The following GABRG3 variants were observed in gnomAD, a reference collection of about 807,000 sequenced individuals.
GABRG3 encodes gamma-aminobutyric acid receptor subunit gamma-3.
GABRG3 carries 25 observed loss-of-function variants against 48.8 expected under a neutral mutation model. The observed-to-expected ratio is 0.51, with a 90% CI of 0.37 to 0.72. The LOEUF is 0.72. Among genes scored for constraint, GABRG3 ranks in the 30% least tolerant of loss-of-function variants. GABRG3 has a pLI of 0.00. For missense variants in GABRG3, 394 were observed against 577.9 expected (o/e 0.68, Z 3.26); for synonymous variants, 227 against 217.6 (o/e 1.04, Z -0.38).
intron 1 of GABRG3, among the ~76,000 whole-genome samples, chr15:26,972,836 C>T (rs1894871646): frequency 6.6e-6 from 1 of 152,212 alleles, no homozygotes; most frequent in Admixed American, 6.5e-5. Flanking sequence ...GCAACTGCTC[C>T]TCTTTGCTGA....
Position 27,105,988 on chromosome 15 carries a change from C to A in GABRG3, c.270+79167C>A, listed in dbSNP as rs116253874. ...TGCCATTTGCCACAACATGAATGAACCTGGAGGATATTATGCTAAGTGAAA... is the reference window on the plus strand; with the variant it reads ...TGCCATTTGCCACAACATGAATGAAACTGGAGGATATTATGCTAAGTGAAA... On this transcript the variant is annotated intron_variant, in intron 3 of 9. Transcript: ENST00000615808. Among the ~76,000 whole-genome samples the A allele has an allele frequency of 7.1e-3, 1,087 of 152,076 alleles. 12 individuals carry two copies. The highest frequency in any genetic ancestry group is 0.024 in the African/African-American group (1,006 of 41,486).
intron 3 of GABRG3, among the ~76,000 whole-genome samples, chr15:27,250,590 CT>C (rs1890423384): frequency 1.3e-5 from 2 of 152,096 alleles, no homozygotes; most frequent in South Asian, 4.1e-4. Flanking sequence ...CCATGCCCAG[CT>C]AATTTTTGTA....
chr15:27,104,097 A>G (rs1292868936), intron 3 of GABRG3, among the ~76,000 whole-genome samples: 1 of 152,260 alleles, frequency 6.6e-6, no homozygotes, highest in African/African-American at 2.4e-5. Context: ...TATCGAGGTT[A>G]TAGAAAATGA....
At chr15:27,115,501 C>G (rs1897625467) in intron 3 of GABRG3, among the ~76,000 whole-genome samples, 1 of 152,168 alleles carries the variant, frequency 6.6e-6, no homozygotes, top group South Asian at 2.1e-4. Context: ...CGTTTCTCAT[C>G]AATAAACAAT....
At chr15:27,038,049 G>T (rs1017949226) in intron 3 of GABRG3, among the ~76,000 whole-genome samples, 1 of 152,152 alleles carries the variant, frequency 6.6e-6, no homozygotes, top group Non-Finnish European at 1.5e-5. Flanking sequence ...GCTTAGCAAG[G>T]TCGAGAGCTG....
chr15:27,306,278 C>T lies in GABRG3; in HGVS notation c.271-20531C>T, dbSNP rs1166514827. Among the ~76,000 whole-genome samples the T allele has an allele frequency of 9.5e-5, 13 of 137,186 alleles. 1 individual carries two copies. Among genetic ancestry groups the T allele is most frequent in the African/African-American group, 3.5e-4 (13 of 37,260 alleles). The allele number at this position is 137,186 out of a possible 152,430, so 90.0% of individuals were successfully genotyped here. On this transcript the variant is annotated intron_variant, in intron 3 of 9. Transcript: ENST00000615808. ...CATGTCTATATGTAAACATATATAA[C>T]ATAAACATGTCTATATATAAACATA...
intron 5 of GABRG3, among the ~76,000 whole-genome samples, chr15:27,417,899 T>C (rs1323005972): frequency 4.6e-5 from 7 of 152,216 alleles, no homozygotes; most frequent in Non-Finnish European, 8.8e-5. Context: ...ACCTTTGGAC[T>C]AGTCCCTTAG....
chr15:27,284,924 A>C (rs1283182571), intron 3 of GABRG3, among the ~76,000 whole-genome samples: 1 of 152,212 alleles, frequency 6.6e-6, no homozygotes, highest in Non-Finnish European at 1.5e-5. Flanking sequence ...ACAGGAAAGA[A>C]ACTTGTTGAA....
chr15:27,033,465 T>A (rs1376167745), intron 3 of GABRG3, among the ~76,000 whole-genome samples: 1 of 152,156 alleles, frequency 6.6e-6, no homozygotes, highest in African/African-American at 2.4e-5. Flanking sequence ...TGGAGCAGAG[T>A]CAAAGCAGAT....
At chr15:27,513,078 T>A (rs1371747202) in intron 6 of GABRG3, among the ~76,000 whole-genome samples, 1 of 151,164 alleles carries the variant, frequency 6.6e-6, no homozygotes, top group Non-Finnish European at 1.5e-5. Flanking sequence ...TAGACAGAGA[T>A]GAAAAGATGA....
chr15:27,143,506 T>A (rs1595548856), intron 3 of GABRG3, among the ~76,000 whole-genome samples: 1 of 152,194 alleles, frequency 6.6e-6, no homozygotes, highest in East Asian at 1.9e-4. Context: ...CAAATGAAAA[T>A]TTTACCAAAG....
intron 2 of GABRG3, among the ~76,000 whole-genome samples, chr15:27,004,241 G>C (rs1895533663): frequency 6.6e-6 from 1 of 151,680 alleles, no homozygotes; most frequent in African/African-American, 2.4e-5. Flanking sequence ...TGGGGCAGTT[G>C]CCAGGCAGAA....
At chr15:27,275,846 G>C (rs1891233661) in intron 3 of GABRG3, among the ~76,000 whole-genome samples, 1 of 152,160 alleles carries the variant, frequency 6.6e-6, no homozygotes, top group African/African-American at 2.4e-5. Flanking sequence ...GGAGGCTTAT[G>C]GCATTATTTA....
At chr15:27,171,507 C>CATAT (rs57913193) in intron 3 of GABRG3, among the ~76,000 whole-genome samples, 4,757 of 144,216 alleles carry the variant, frequency 0.033, 223 homozygotes, top group African/African-American at 0.1. Context: ...GCATGTCTAA[C>CATAT]ATATATATAT....
At position 27,220,068 on chromosome 15, in the gene GABRG3, A is replaced by C. The variant is rs573428354; in HGVS notation, c.271-106741A>C. 9.9e-5 allele frequency among the ~76,000 whole-genome samples: 15 copies of C among 152,214 alleles called. No homozygotes were observed. The South Asian group carries it at 3.1e-3, about 32-fold the overall frequency. ...AAGAGAGAGGCATTTATCACAGGGC[A>C]CCCAACAAGGAGGATGGGCAGCTCA... On this transcript the variant is annotated intron_variant, in intron 3 of 9. Coordinates refer to ENST00000615808, the MANE Select transcript of GABRG3 (RefSeq NM_033223.5).
intron 9 of GABRG3, chr15:27,530,569 T>C (rs1891398475): frequency 2.1e-6 from 1 of 468,814 alleles, no homozygotes; most frequent in East Asian, 6.9e-5. Flanking sequence ...CCAGGTGTTT[T>C]TTGGCTCCCT....
At chr15:27,254,596 G>T (rs776666675) in intron 3 of GABRG3, among the ~76,000 whole-genome samples, 1 of 152,066 alleles carries the variant, frequency 6.6e-6, no homozygotes, top group Non-Finnish European at 1.5e-5. Flanking sequence ...CCCACCTCCT[G>T]GTTTATAGGT....
chr15:27,431,037 A>AAATAAATC lies in GABRG3; in HGVS notation c.575-49610_575-49609insAAATCAAT, dbSNP rs1213570788. ...TAAATAAATAAATAAATAAATAAAT[A>AAATAAATC]AATCAGTAGTATAAGGGTTTATTTC... On this transcript the variant is annotated intron_variant, in intron 5 of 9. Transcript: ENST00000615808. Among the ~76,000 whole-genome samples the AAATAAATC allele has an allele frequency of 1.5e-3, 222 of 147,516 alleles. 2 individuals are homozygous for AAATAAATC. The highest frequency in any genetic ancestry group is 3.0e-3 in the Non-Finnish European group (198 of 67,016).
intron 5 of GABRG3, among the ~76,000 whole-genome samples, chr15:27,382,780 G>A (rs1895814430): frequency 6.6e-6 from 1 of 152,110 alleles, no homozygotes; most frequent in Non-Finnish European, 1.5e-5. Flanking sequence ...TGAGCAGAGA[G>A]AGGAGTCATA....
Sources: allele counts gnomAD v4.1 joint callset (sites outside exome capture counted in the v4.1 genomes callset), GRCh38; gene constraint gnomAD v4.1.1; transcripts MANE v1.5; gene names NCBI Gene and HGNC (gene_info 2026-07-23, HGNC 2026-07-21).